RIMS1: variants seen among roughly 807,000 people sequenced by gnomAD.
The protein encoded by RIMS1 is regulating synaptic membrane exocytosis 1, also known as regulating synaptic membrane exocytosis protein 1.
Under a neutral mutation model 214.1 loss-of-function variants are expected in RIMS1, and 83 were observed. The observed-to-expected ratio is 0.39, with a 90% CI of 0.32 to 0.47. RIMS1 has a LOEUF of 0.47. Ranked by LOEUF, RIMS1 falls within the 20% of genes least tolerant of loss-of-function variation. The probability of loss-of-function intolerance (pLI) is 0.99; values close to 1 mark genes in which losing one functional copy is unlikely to be tolerated. For missense variants in RIMS1, 2,050 were observed against 2,161.8 expected (o/e 0.95, Z 1.03); for synonymous variants, 793 against 786.8 (o/e 1.01, Z -0.13).
At chr6:72,217,234 T>C (rs1366982263) in intron 6 of RIMS1, 19 of 1,535,734 alleles carry the variant, frequency 1.2e-5, no homozygotes, top group Non-Finnish European at 1.7e-5. Context: ...TACATTGCAC[T>C]CAGGAACAGG....
At chr6:72,291,517 A>G (rs2093384597) in intron 25 of RIMS1, among the ~76,000 whole-genome samples, 1 of 152,216 alleles carries the variant, frequency 6.6e-6, no homozygotes, top group South Asian at 2.1e-4. Flanking sequence ...AAATAATTCT[A>G]TAGTCAATAT....
At chr6:72,262,970 T>A (rs1332524303) in intron 19 of RIMS1, 1 of 510,494 alleles carries the variant, frequency 2.0e-6, no homozygotes, top group African/African-American at 2.1e-5. Flanking sequence ...TGAATATTAT[T>A]ATCCTGATTT....
intron 4 of RIMS1, among the ~76,000 whole-genome samples, chr6:72,152,710 A>G (rs942969715): frequency 1.2e-5 from 1 of 84,822 alleles, no homozygotes; most frequent in Non-Finnish European, 2.1e-5. Context: ...ATATATGTAT[A>G]TATATGTGAA....
chr6:72,295,221 G>A (rs1400138983), intron 26 of RIMS1, among the ~76,000 whole-genome samples: 1 of 151,610 alleles, frequency 6.6e-6, no homozygotes, highest in African/African-American at 2.4e-5. Context: ...TACAGAAACA[G>A]GCCATTAGTC....
chr6:72,193,460 T>C (rs1453635596), intron 6 of RIMS1, among the ~76,000 whole-genome samples: 1 of 152,202 alleles, frequency 6.6e-6, no homozygotes, highest in African/African-American at 2.4e-5. Flanking sequence ...CTTTACAAAA[T>C]GAAACACAAA....
At chr6:72,195,714 G>A (rs2050751310) in intron 6 of RIMS1, among the ~76,000 whole-genome samples, 1 of 152,018 alleles carries the variant, frequency 6.6e-6, no homozygotes, top group Admixed American at 6.6e-5. Flanking sequence ...AATGCATACT[G>A]CTCACATAGT....
intron 4 of RIMS1, among the ~76,000 whole-genome samples, chr6:72,140,408 G>T (rs984895464): frequency 6.6e-6 from 1 of 151,952 alleles, no homozygotes; most frequent in African/African-American, 2.4e-5. Flanking sequence ...ATAATTCCAA[G>T]GTATTTCAGT....
At chr6:71,894,201 T>C (rs1453090241) in intron 1 of RIMS1, among the ~76,000 whole-genome samples, 3 of 152,306 alleles carry the variant, frequency 2.0e-5, no homozygotes, top group African/African-American at 7.2e-5. Flanking sequence ...TCCCAACACT[T>C]TGGGAGGCCA....
chr6:72,053,914 A>AT (rs1261786559), intron 2 of RIMS1, among the ~76,000 whole-genome samples: 2 of 151,946 alleles, frequency 1.3e-5, no homozygotes, highest in Non-Finnish European at 2.9e-5. Flanking sequence ...TTTTATTTTT[A>AT]TTTTTTTATT....
rs144122137 is a variant in RIMS1 at position 72,190,807 on chromosome 6, A to G, written c.1678+7658A>G. 6.4e-3 allele frequency among the ~76,000 whole-genome samples: 979 copies of G among 152,264 alleles called. 8 individuals carry two copies. Among genetic ancestry groups the G allele is most frequent in the African/African-American group, 0.021 (885 of 41,554 alleles). ...CTGCTGGGCCCCAGTTTATGGCTAG[A>G]TGGGTCAGAAAGTACCCATTTCACA... On this transcript the variant is annotated intron_variant, in intron 6 of 33. Coordinates refer to ENST00000521978, the MANE Select transcript of RIMS1 (RefSeq NM_014989.7).
intron 2 of RIMS1, among the ~76,000 whole-genome samples, chr6:72,010,900 T>A (rs1166482402): frequency 6.6e-6 from 1 of 152,186 alleles, no homozygotes; most frequent in Non-Finnish European, 1.5e-5. Flanking sequence ...ATGGCCATAC[T>A]GCCCAAGGTA....
intron 29 of RIMS1, among the ~76,000 whole-genome samples, chr6:72,341,476 T>C (rs1459337062): frequency 1.3e-5 from 2 of 151,844 alleles, no homozygotes; most frequent in African/African-American, 4.8e-5. Flanking sequence ...ATAGAACTTT[T>C]AAATTTTATG....
intron 26 of RIMS1, chr6:72,295,965 A>G: frequency 2.1e-6 from 1 of 470,758 alleles, no homozygotes; most frequent in Non-Finnish European, 2.9e-6. Context: ...CTTCCACAAA[A>G]GGTAAATATT....
chr6:72,292,744 A>G (rs1400881184), intron 26 of RIMS1, among the ~76,000 whole-genome samples: 3 of 152,170 alleles, frequency 2.0e-5, no homozygotes, highest in Non-Finnish European at 2.9e-5. Flanking sequence ...AGTAGATGAC[A>G]TGACTTGTTA....
chr6:72,129,493 A>G (rs1438502213), intron 4 of RIMS1, among the ~76,000 whole-genome samples: 3 of 152,170 alleles, frequency 2.0e-5, no homozygotes, highest in African/African-American at 7.2e-5. Flanking sequence ...GAACAACAGT[A>G]TTACCCAATA....
At chr6:72,187,147 G>A (rs1344602857) in intron 6 of RIMS1, among the ~76,000 whole-genome samples, 5 of 151,964 alleles carry the variant, frequency 3.3e-5, no homozygotes, top group African/African-American at 4.8e-5. Context: ...AGAAGGAGAG[G>A]AAGAGAGGAA....
At position 71,918,622 on chromosome 6, in the gene RIMS1, C is replaced by T. The variant is rs115669110; in HGVS notation, c.164+31435C>T. ...TTTTTCTTTTAAATGAGAAATATCA[C>T]AGTGCATGTGCTGTTGAGAACAGGC... On this transcript the variant is annotated intron_variant, in intron 1 of 33. Transcript: ENST00000521978. 3.4e-3 allele frequency among the ~76,000 whole-genome samples: 519 copies of T among 152,196 alleles called. 4 individuals carry two copies. The highest frequency in any genetic ancestry group is 0.012 in the African/African-American group (492 of 41,532).
chr6:72,282,724 T>A (rs1297485115), intron 23 of RIMS1, among the ~76,000 whole-genome samples: 1 of 152,176 alleles, frequency 6.6e-6, no homozygotes, highest in African/African-American at 2.4e-5. Context: ...AGGATTTTCA[T>A]GGAGTTTAAG....
Position 72,292,223 on chromosome 6 carries a change from C to T in RIMS1, c.3850+177C>T, listed in dbSNP as rs192474934. Among the ~76,000 whole-genome samples, 64 of 152,200 alleles carry T rather than the reference C, an allele frequency of 4.2e-4. 1 individual carries two copies. Among genetic ancestry groups the T allele is most frequent in the African/African-American group, 1.5e-3 (61 of 41,520 alleles). ...TAGTGACAGTGGTTCATGGCATGCA[C>T]TCAGTTTTTGCTGAGTGAGTTTTGC... is the stretch of plus-strand genomic sequence containing the variant. On this transcript the variant is annotated intron_variant, in intron 26 of 33. Coordinates refer to ENST00000521978, the MANE Select transcript of RIMS1 (RefSeq NM_014989.7).
Sources: allele counts gnomAD v4.1 joint callset (sites outside exome capture counted in the v4.1 genomes callset), GRCh38; gene constraint gnomAD v4.1.1; transcripts MANE v1.5; gene names NCBI Gene and HGNC (gene_info 2026-07-23, HGNC 2026-07-21).